GRM5: variants seen among roughly 807,000 people sequenced by gnomAD.
GRM5 encodes the protein metabotropic glutamate receptor 5.
A neutral mutation model predicts 83.1 loss-of-function variants in GRM5; 19 were observed. That is an observed-to-expected ratio of 0.23 (90% CI 0.16 to 0.34). The LOEUF (loss-of-function observed/expected upper bound fraction) is 0.34, where lower values mean the gene tolerates loss of function less well. Ranked by LOEUF, GRM5 falls within the 10% of genes least tolerant of loss-of-function variation. The pLI is 1.00. For synonymous variants in GRM5, 675 were observed against 633.6 expected, an observed-to-expected ratio of 1.07 and a Z score of -0.98; for missense variants, 1,160 against 1,588.3, an observed-to-expected ratio of 0.73 and a Z score of 4.58.
chr11:88,873,894 T>C (rs554739601), intron 2 of GRM5, among the ~76,000 whole-genome samples: 1 of 151,598 alleles, frequency 6.6e-6, no homozygotes, highest in South Asian at 2.1e-4. Context: ...AGACTAAAAA[T>C]AAACATACCA....
At chr11:88,569,841 G>A (rs1224606014) in intron 7 of GRM5, among the ~76,000 whole-genome samples, 1 of 152,208 alleles carries the variant, frequency 6.6e-6, no homozygotes, top group Non-Finnish European at 1.5e-5. Flanking sequence ...TTGATAAGGA[G>A]TAAAGTTTTC....
intron 5 of GRM5, among the ~76,000 whole-genome samples, chr11:88,603,768 A>G (rs573653420): frequency 8.5e-5 from 13 of 152,350 alleles, no homozygotes; most frequent in Non-Finnish European, 1.8e-4. Context: ...GAAGTGTGAT[A>G]AACCAAGGTT....
chr11:88,821,960 T>C (rs1943805660), intron 3 of GRM5, among the ~76,000 whole-genome samples: 1 of 152,196 alleles, frequency 6.6e-6, no homozygotes, highest in South Asian at 2.1e-4. Flanking sequence ...AAGCGGCTTA[T>C]GCTTAATTCT....
At chr11:89,025,792 A>T (rs770352230) in intron 2 of GRM5, among the ~76,000 whole-genome samples, 1 of 152,208 alleles carries the variant, frequency 6.6e-6, no homozygotes, top group Non-Finnish European at 1.5e-5. Context: ...CAAAGTACTT[A>T]AAACAGTACT....
At chr11:88,776,007 G>A (rs914926051) in intron 3 of GRM5, among the ~76,000 whole-genome samples, 2 of 152,096 alleles carry the variant, frequency 1.3e-5, no homozygotes, top group Non-Finnish European at 1.5e-5. Flanking sequence ...TTAACCTTCT[G>A]TCTTGTTGAT....
intron 1 of GRM5, among the ~76,000 whole-genome samples, chr11:89,048,933 C>T (rs1941700100): frequency 6.6e-6 from 1 of 152,114 alleles, no homozygotes; most frequent in Non-Finnish European, 1.5e-5. Context: ...TAGGCTGTCC[C>T]TTATGGGAAT....
chr11:88,703,398 G>A (rs1357990607), intron 3 of GRM5, among the ~76,000 whole-genome samples: 29 of 142,870 alleles, frequency 2.0e-4, no homozygotes, highest in Admixed American at 1.9e-3. Context: ...ATGGTATGTA[G>A]ACATCTCATG....
intron 2 of GRM5, among the ~76,000 whole-genome samples, chr11:89,021,422 T>C (rs1276934396): frequency 6.6e-6 from 1 of 152,148 alleles, no homozygotes; most frequent in Non-Finnish European, 1.5e-5. Context: ...TCTGCTTCCT[T>C]GATTCTCAAG....
chr11:88,535,419 C>A (rs1393040587), intron 8 of GRM5, among the ~76,000 whole-genome samples: 1 of 152,198 alleles, frequency 6.6e-6, no homozygotes, highest in Admixed American at 6.5e-5. Flanking sequence ...AATGCTCCAA[C>A]CATATGGCAG....
chr11:88,567,298 G>A lies in GRM5; in HGVS notation c.2385C>T (p.Ser795=), dbSNP rs1942896888. Residue 795 remains serine, a synonymous_variant, in exon 8 of 10, where the codon AGC becomes AGT. Coordinates refer to ENST00000305447, the MANE Select transcript of GRM5 (RefSeq NM_001143831.3). This position sits in a 1 kb window ranked among gnomAD's most constrained non-coding sequence, Gnocchi z 7.3. ...WLAFVPIYFG[S]NYKIITMCFS... is the part of the protein sequence containing the mutation. ...AACACATGGTGATGATTTTGTAGTT[G>A]CTGCCAAAGTAGATTGGCACAAAAG... is the stretch of plus-strand genomic sequence containing the variant. 6.2e-6 allele frequency: 10 copies of A among 1,613,658 alleles called. No homozygotes were observed. In the East Asian group the frequency reaches 2.2e-4, roughly 36 times the overall value.
intron 3 of GRM5, among the ~76,000 whole-genome samples, chr11:88,733,812 T>C (rs1278802894): frequency 6.6e-6 from 1 of 151,986 alleles, no homozygotes; most frequent in African/African-American, 2.4e-5. Context: ...GCAAGGACAT[T>C]AATAAACTTT....
intron 2 of GRM5, among the ~76,000 whole-genome samples, chr11:88,884,688 T>G (rs589645): frequency 0.28 from 42,824 of 152,096 alleles, 6,854 homozygotes; most frequent in Non-Finnish European, 0.37. Flanking sequence ...GGGAGGTAAC[T>G]GAATGATGAG....
intron 2 of GRM5, among the ~76,000 whole-genome samples, chr11:88,854,591 A>G (rs1944440314): frequency 1.3e-5 from 2 of 151,960 alleles, no homozygotes; most frequent in African/African-American, 4.8e-5. Flanking sequence ...AAGAGTAACT[A>G]TAAAACTTTC....
At chr11:88,569,085 T>C (rs11020462) in intron 7 of GRM5, among the ~76,000 whole-genome samples, 8,304 of 152,252 alleles carry the variant, frequency 0.055, 717 homozygotes, top group African/African-American at 0.18. Flanking sequence ...ACCAAGACTA[T>C]ATATATACAT....
intron 4 of GRM5, among the ~76,000 whole-genome samples, chr11:88,652,909 G>A (rs922483364): frequency 6.6e-6 from 1 of 152,030 alleles, no homozygotes; most frequent in Admixed American, 6.6e-5. Context: ...TTAGCACAAT[G>A]CCTTATGGAA....
At chr11:89,064,502 T>C (rs1354263880) in intron 1 of GRM5, among the ~76,000 whole-genome samples, 2 of 152,262 alleles carry the variant, frequency 1.3e-5, no homozygotes, top group Non-Finnish European at 2.9e-5. Context: ...CTGCCTTTAG[T>C]ACTTTGAGGA....
intron 1 of GRM5, among the ~76,000 whole-genome samples, chr11:89,064,669 T>A (rs557405338): frequency 6.6e-6 from 1 of 151,960 alleles, no homozygotes; most frequent in African/African-American, 2.4e-5. Flanking sequence ...ACTGAGTACA[T>A]GAAGGTTAAG....
chr11:88,993,483 T>C (rs1427967030), intron 2 of GRM5, among the ~76,000 whole-genome samples: 1 of 152,156 alleles, frequency 6.6e-6, no homozygotes, highest in African/African-American at 2.4e-5. Flanking sequence ...TACCATACTT[T>C]CTAAATTATA....
intron 3 of GRM5, among the ~76,000 whole-genome samples, chr11:88,806,560 G>T (rs1454714151): frequency 6.6e-6 from 1 of 152,144 alleles, no homozygotes; most frequent in Admixed American, 6.6e-5. Context: ...TTAGGCAGTT[G>T]ATCTCAACTG....
Sources: gnomAD v4.1 joint callset for allele counts (sites outside exome capture counted in the v4.1 genomes callset) on GRCh38, gnomAD v4.1.1 for gene constraint, Gnocchi (gnomAD v3.1) non-coding constraint, MANE v1.5 for transcripts, NCBI Gene and HGNC (gene_info 2026-07-23, HGNC 2026-07-21) for gene names.